ESR1: variants seen among roughly 807,000 people sequenced by gnomAD.
The protein encoded by ESR1 is estrogen receptor 1, also known as estrogen receptor.
ESR1 carries 12 observed loss-of-function variants against 52.7 expected under a neutral mutation model. The ratio of observed to expected loss-of-function variants is 0.23; its 90% confidence interval spans 0.15 to 0.37. ESR1 has a LOEUF of 0.37. Ranked by LOEUF, ESR1 falls within the 10% of genes least tolerant of loss-of-function variation. The pLI is 1.00. For missense variants in ESR1, 584 were observed against 779.7 expected (o/e 0.75, Z 2.99); for synonymous variants, 305 against 316.8 (o/e 0.96, Z 0.39).
chr6:151,959,656 C>T (rs1413448792), intron 4 of ESR1, among the ~76,000 whole-genome samples: 2 of 152,000 alleles, frequency 1.3e-5, no homozygotes, highest in African/African-American at 4.8e-5. Context: ...GATCTATGCA[C>T]CCAGGAAGCC....
At chr6:151,931,233 A>G (rs895853734) in intron 3 of ESR1, among the ~76,000 whole-genome samples, 7 of 151,298 alleles carry the variant, frequency 4.6e-5, no homozygotes, top group African/African-American at 1.7e-4. Flanking sequence ...TTTACATTTC[A>G]GTTGGGGACG....
intron 6 of ESR1, among the ~76,000 whole-genome samples, chr6:152,109,181 C>T (rs1255494765): frequency 6.6e-6 from 1 of 152,140 alleles, no homozygotes; most frequent in African/African-American, 2.4e-5. Context: ...GAACTCCGTC[C>T]CATGATCCAA....
At chr6:151,756,388 G>C (rs2982553) in intron 2 of ESR1, among the ~76,000 whole-genome samples, 107,947 of 152,046 alleles carry the variant, frequency 0.71, 38,992 homozygotes, top group African/African-American at 0.84. Flanking sequence ...GCTGGGATTA[G>C]AGGCGCGTGC....
At chr6:151,784,200 C>T (rs909224361) in intron 2 of ESR1, among the ~76,000 whole-genome samples, 1 of 152,096 alleles carries the variant, frequency 6.6e-6, no homozygotes. Flanking sequence ...GCTATGCTTC[C>T]CCTCTTTGAG....
intron 2 of ESR1, among the ~76,000 whole-genome samples, chr6:151,875,190 A>G (rs1334301298): frequency 6.6e-6 from 1 of 152,154 alleles, no homozygotes; most frequent in African/African-American, 2.4e-5. Context: ...TCATCTATGA[A>G]CATCTGCTTT....
chr6:151,891,644 C>G (rs1403759381), intron 3 of ESR1, among the ~76,000 whole-genome samples: 1 of 152,162 alleles, frequency 6.6e-6, no homozygotes, highest in African/African-American at 2.4e-5. Context: ...AACCAAGTCT[C>G]CTGACCCATG....
intron 2 of ESR1, among the ~76,000 whole-genome samples, chr6:151,723,730 G>A (rs139633484): frequency 0.02 from 3,030 of 152,088 alleles, 36 homozygotes; most frequent in East Asian, 0.03. Flanking sequence ...TTAGCTGGGC[G>A]TGGTGGAGCA....
intron 2 of ESR1, among the ~76,000 whole-genome samples, chr6:151,743,162 T>A (rs1015461275): frequency 6.6e-6 from 1 of 151,258 alleles, no homozygotes; most frequent in African/African-American, 2.4e-5. Flanking sequence ...CAGTAAATGA[T>A]ACAGGAGATG....
rs1269021512 is a variant in ESR1, at chr6:152,099,009, T to C, written c.*43T>C. ...CACGGTTCAGATAATCCCTGCTGCA[T>C]TTTACCCTCATCATGCACCACTTTA... On this transcript the variant is annotated 3_prime_UTR_variant, in exon 8 of 8. Coordinates refer to ENST00000206249, the MANE Select transcript of ESR1 (RefSeq NM_000125.4). 6.5e-7 allele frequency: 1 copy of C among 1,540,172 alleles called. No homozygotes were observed. The highest frequency in any genetic ancestry group is 1.7e-5 in the Admixed American group (1 of 58,794).
At chr6:151,757,302 A>G (rs530847016) in intron 2 of ESR1, among the ~76,000 whole-genome samples, 2 of 152,284 alleles carry the variant, frequency 1.3e-5, no homozygotes, top group African/African-American at 4.8e-5. Flanking sequence ...CTGACCTTAG[A>G]AGACTCTCAG....
rs2048332731 is a variant in ESR1, at chr6:152,071,236, T to TATCTTAC, written c.1369+10112_1369+10113insATCTTAC. On this transcript the variant is annotated intron_variant, in intron 6 of 7. Transcript: ENST00000206249. ...AAAGACAGATATAACAAGAAAATTA[T>TATCTTAC]TCTTTTTAAATATAAAATTGTGATA... 4.1e-5 allele frequency among the ~76,000 whole-genome samples: 5 copies of TATCTTAC among 123,202 alleles called. No individual in the cohort carries two copies. In the South Asian group the frequency reaches 1.3e-3, roughly 31 times the overall value. 80.8% of individuals were successfully genotyped at this position (123,202 alleles called of 152,430 possible).
upstream of ESR1, among the ~76,000 whole-genome samples, chr6:151,801,774 TG>T (rs886973508): frequency 9.2e-5 from 14 of 152,366 alleles, 1 homozygote; most frequent in Admixed American, 5.9e-4. Flanking sequence ...TCTGTGGCCT[TG>T]GGGGTCCCAT....
chr6:151,739,601 C>A (rs1372176179), intron 2 of ESR1, among the ~76,000 whole-genome samples: 3 of 152,212 alleles, frequency 2.0e-5, no homozygotes, highest in African/African-American at 7.2e-5. Context: ...TTTCACTAAG[C>A]CTTTCTCCTT....
rs571133704 is a variant in ESR1, at chr6:151,937,012, G to A, written c.761-7161G>A. On this transcript the variant is annotated intron_variant, in intron 3 of 7. Coordinates refer to ENST00000206249, the MANE Select transcript of ESR1 (RefSeq NM_000125.4). ...GGAGGCATAGAAAAAGAACAAGGTG[G>A]TGTTGGGAAGTAGTATAAAAAGGGG... is the stretch of plus-strand genomic sequence containing the variant. Among the ~76,000 whole-genome samples, 5 of 152,260 alleles carry A rather than the reference G, an allele frequency of 3.3e-5. No individual in the cohort carries two copies. The South Asian group carries it at 1.0e-3, about 32-fold the overall frequency.
chr6:151,771,539 T>G (rs1308171557), intron 2 of ESR1, among the ~76,000 whole-genome samples: 1 of 152,196 alleles, frequency 6.6e-6, no homozygotes, highest in Non-Finnish European at 1.5e-5. Context: ...AAAATAAAAT[T>G]GTATTTTTTC....
At chr6:151,662,882 G>C (rs1218854944) in intron 1 of ESR1, among the ~76,000 whole-genome samples, 1 of 152,232 alleles carries the variant, frequency 6.6e-6, no homozygotes, top group African/African-American at 2.4e-5. Flanking sequence ...GAAAACTCTT[G>C]TTAAACTTTT....
chr6:152,115,538 T>C (rs1419532732), intron 6 of ESR1, among the ~76,000 whole-genome samples: 1 of 152,160 alleles, frequency 6.6e-6, no homozygotes, highest in Non-Finnish European at 1.5e-5. Context: ...AAAAAAGGCC[T>C]TCTTAATGTA....
intron 2 of ESR1, among the ~76,000 whole-genome samples, chr6:151,847,833 G>A (rs2128243062): frequency 6.7e-6 from 1 of 149,536 alleles, no homozygotes; most frequent in African/African-American, 2.5e-5. Flanking sequence ...TGTCCTGAAT[G>A]GTAATTCCTA....
intron 6 of ESR1, among the ~76,000 whole-genome samples, chr6:152,119,214 A>G (rs534635006): frequency 6.6e-6 from 1 of 152,176 alleles, no homozygotes; most frequent in African/African-American, 2.4e-5. Context: ...GGTGTAGGCT[A>G]TCAATCAATC....
Sources: allele counts gnomAD v4.1 joint callset (sites outside exome capture counted in the v4.1 genomes callset), GRCh38; gene constraint gnomAD v4.1.1; transcripts MANE v1.5; gene names NCBI Gene and HGNC (gene_info 2026-07-23, HGNC 2026-07-21).